The following CILK1 variants were observed in gnomAD, a reference collection of about 807,000 sequenced individuals.
CILK1 encodes serine/threonine-protein kinase ICK.
Under a neutral mutation model 79.2 loss-of-function variants are expected in CILK1, and 47 were observed. That is an observed-to-expected ratio of 0.59 (90% CI 0.47 to 0.76). The LOEUF (loss-of-function observed/expected upper bound fraction) is 0.76, where lower values mean the gene tolerates loss of function less well. Ranked by LOEUF, CILK1 falls within the 30% of genes least tolerant of loss-of-function variation. The probability of loss-of-function intolerance (pLI) is 0.00; values close to 1 mark genes in which losing one functional copy is unlikely to be tolerated. For synonymous variants in CILK1, 266 were observed against 275.9 expected (o/e 0.96, Z 0.36); for missense variants, 660 against 769.5 (o/e 0.86, Z 1.68).
chr6:53,031,591 G>A (rs1765967018), intron 4 of CILK1, among the ~76,000 whole-genome samples: 1 of 152,142 alleles, frequency 6.6e-6, no homozygotes, highest in South Asian at 2.1e-4. Flanking sequence ...GCTCCATACG[G>A]TTCACCTTTG....
At position 53,004,980 on chromosome 6, in the gene CILK1, T is replaced by TAA; in HGVS notation, c.*167_*168dup. 1 of 683,972 alleles carries TAA rather than the reference T, an allele frequency of 1.5e-6. No individual in the cohort carries two copies. The highest frequency in any genetic ancestry group is 2.4e-6 in the Non-Finnish European group (1 of 421,420). The allele number at this position is 683,972 out of a possible 1,614,324, so 42.4% of individuals were successfully genotyped here. On this transcript the variant is annotated 3_prime_UTR_variant, in exon 14 of 14. Transcript: ENST00000676107. Reference sequence around the variant, plus strand: ...GCCTACTGCATTCAAATCAATATTTTAAAAAAAAACTTTAAAAAAGAATAT... The same window carrying TAA: ...GCCTACTGCATTCAAATCAATATTTTAAAAAAAAAAACTTTAAAAAAGAATAT...
chr6:53,034,296 T>C (rs1384400183), intron 3 of CILK1, among the ~76,000 whole-genome samples: 6 of 152,210 alleles, frequency 3.9e-5, no homozygotes, highest in African/African-American at 4.8e-5. Context: ...GCCAACTCTA[T>C]GGCAGCTCAC....
chr6:53,038,898 T>G (rs1266370566), intron 2 of CILK1, among the ~76,000 whole-genome samples: 2 of 152,352 alleles, frequency 1.3e-5, no homozygotes, highest in East Asian at 3.9e-4. Context: ...GAAATTCAAC[T>G]TTCAAGGTTA....
rs1764078317 is a variant in CILK1, at chr6:53,004,048, C to T, written c.*1101G>A. 6.5e-6 allele frequency: 1 copy of T among 152,676 alleles called. No individual in the cohort carries two copies. Among genetic ancestry groups the T allele is most frequent in the Non-Finnish European group, 1.5e-5 (1 of 68,048 alleles). The allele number at this position is 152,676 out of a possible 1,614,324, so 9.5% of individuals were successfully genotyped here. On this transcript the variant is annotated 3_prime_UTR_variant, in exon 14 of 14. Coordinates refer to ENST00000676107, the MANE Select transcript of CILK1 (RefSeq NM_014920.5). ...AAGTTCTCACTCTTGAAAGAAACTA[C>T]ACCAGGGTTAGGAGATCAAATGTGG... is the stretch of plus-strand genomic sequence containing the variant.
At chr6:53,030,637 G>A (rs965591908) in intron 5 of CILK1, among the ~76,000 whole-genome samples, 2 of 151,844 alleles carry the variant, frequency 1.3e-5, no homozygotes, top group African/African-American at 2.4e-5. Context: ...TTCCTGTGTC[G>A]CATACATTTT....
chr6:53,019,624 A>T (rs1765106073), intron 5 of CILK1, among the ~76,000 whole-genome samples: 1 of 152,148 alleles, frequency 6.6e-6, no homozygotes, highest in Admixed American at 6.6e-5. Context: ...AAAATATCAA[A>T]CTGGATTATA....
At chr6:53,026,337 C>T (rs946296823) in intron 5 of CILK1, among the ~76,000 whole-genome samples, 5 of 151,920 alleles carry the variant, frequency 3.3e-5, no homozygotes, top group African/African-American at 4.8e-5. Flanking sequence ...TTAGTAGAGA[C>T]GGGGTTTCGC....
chr6:53,020,829 C>T (rs149812783), intron 5 of CILK1, among the ~76,000 whole-genome samples: 445 of 152,286 alleles, frequency 2.9e-3, no homozygotes, highest in Admixed American at 3.7e-3. Context: ...CCTTCTCTAC[C>T]CTTCTGAAGA....
intron 3 of CILK1, among the ~76,000 whole-genome samples, chr6:53,037,015 T>C (rs1013656191): frequency 1.3e-5 from 2 of 152,206 alleles, no homozygotes; most frequent in African/African-American, 2.4e-5. Flanking sequence ...TCTGGCCCTT[T>C]ACAGAAAACG....
At chr6:53,059,471 A>G (rs1443200463) in intron 1 of CILK1, among the ~76,000 whole-genome samples, 4 of 152,226 alleles carry the variant, frequency 2.6e-5, no homozygotes, top group South Asian at 2.1e-4. Flanking sequence ...TGAGAAATAG[A>G]AAGAGGAAAT....
intron 1 of CILK1, among the ~76,000 whole-genome samples, chr6:53,041,886 A>G (rs1203018284): frequency 6.6e-6 from 1 of 152,074 alleles, no homozygotes; most frequent in African/African-American, 2.4e-5. Context: ...AACTGGATTA[A>G]GTAGGTAAAT....
intron 8 of CILK1, among the ~76,000 whole-genome samples, chr6:53,014,353 T>C (rs2127412394): frequency 6.6e-6 from 1 of 152,216 alleles, no homozygotes; most frequent in East Asian, 1.9e-4. Flanking sequence ...AAAAAAATAA[T>C]ACAAAACTGA....
At chr6:53,016,749 G>T (rs549224392) in intron 7 of CILK1, among the ~76,000 whole-genome samples, 3 of 152,306 alleles carry the variant, frequency 2.0e-5, no homozygotes, top group African/African-American at 7.2e-5. Context: ...CCAGTCTCAA[G>T]CTTTCCACTT....
chr6:53,006,877 G>T (rs1346987463), intron 12 of CILK1, among the ~76,000 whole-genome samples: 1 of 152,072 alleles, frequency 6.6e-6, no homozygotes, highest in Admixed American at 6.6e-5. Context: ...CAACACACAG[G>T]TTATATTAAA....
At position 53,027,750 on chromosome 6, in the gene CILK1, A is replaced by G. The variant is rs140387687; in HGVS notation, c.358+3315T>C. ...CTGGGTGCAGTGGCTCACTCCTGTA[A>G]TCCTGGCACTTTGGGAGGCCAAGAT... On this transcript the variant is annotated intron_variant, in intron 5 of 13. Transcript: ENST00000676107. Among the ~76,000 whole-genome samples, 463 of 152,332 alleles carry G rather than the reference A, an allele frequency of 3.0e-3. 1 individual carries two copies. Among genetic ancestry groups the G allele is most frequent in the Non-Finnish European group, 5.1e-3 (347 of 68,022 alleles).
At chr6:53,059,978 G>A (rs1768289591) in intron 1 of CILK1, among the ~76,000 whole-genome samples, 1 of 152,108 alleles carries the variant, frequency 6.6e-6, no homozygotes, top group Admixed American at 6.5e-5. Context: ...GAATATAGAA[G>A]GAGGGATCCA....
chr6:53,013,772 TGA>T lies in CILK1; in HGVS notation c.1040_1041del (p.Leu347HisfsTer49), dbSNP rs753979351. On this transcript the variant is annotated frameshift_variant, in exon 9 of 14. Coordinates refer to ENST00000676107, the MANE Select transcript of CILK1 (RefSeq NM_014920.5). LOFTEE classifies it high-confidence loss of function. ...GAGACCTCTGCTTTGTAGGGGTACG[TGA>T]GATGCAGAGGGGGCTGGCTGGCTTG... The part of the protein sequence containing the change: ...QHQASQPPLH[L>X]TYPYKAEVSR... 2.8e-5 allele frequency: 45 copies of T among 1,612,938 alleles called. No homozygotes were observed. The highest frequency in any genetic ancestry group is 3.8e-5 in the Non-Finnish European group (45 of 1,179,170).
At position 53,003,401 on chromosome 6, in the gene CILK1, T is replaced by C. The variant is rs1764035338; in HGVS notation, c.*1748A>G. ...TTTACCAAGTCATTAGGTTGAACCA[T>C]ATGAAAGTGTCTATATTCATTTCAC... On this transcript the variant is annotated 3_prime_UTR_variant, in exon 14 of 14. Transcript: ENST00000676107. 6.6e-6 allele frequency: 1 copy of C among 152,236 alleles called. No individual in the cohort carries two copies. The allele number at this position is 152,236 out of a possible 1,614,324, so 9.4% of individuals were successfully genotyped here.
At chr6:53,060,969 T>C (rs1164589990) in intron 1 of CILK1, 1 of 152,190 alleles carries the variant, frequency 6.6e-6, no homozygotes, top group Non-Finnish European at 1.5e-5. Flanking sequence ...TAAAATTCAG[T>C]GTGGAATTCC....
Sources: gnomAD v4.1 joint callset for allele counts (sites outside exome capture counted in the v4.1 genomes callset) on GRCh38, gnomAD v4.1.1 for gene constraint, MANE v1.5 for transcripts, NCBI Gene and HGNC (gene_info 2026-07-23, HGNC 2026-07-21) for gene names.